The following EEFSEC variants were observed in gnomAD, a reference collection of about 807,000 sequenced individuals.
EEFSEC encodes eukaryotic elongation factor, selenocysteine-tRNA specific, also known as selenocysteine-specific elongation factor.
A neutral mutation model predicts 42.1 loss-of-function variants in EEFSEC; 43 were observed. The ratio of observed to expected loss-of-function variants is 1.02; its 90% confidence interval spans 0.80 to 1.32. EEFSEC has a LOEUF of 1.32. EEFSEC is among the 40% of genes most tolerant of loss of function. The pLI, the probability that EEFSEC is intolerant of heterozygous loss-of-function variation, is 0.00. For missense variants in EEFSEC, 745 were observed against 803.6 expected (o/e 0.93, Z 0.88); for synonymous variants, 354 against 339.1 (o/e 1.04, Z -0.48).
intron 2 of EEFSEC, among the ~76,000 whole-genome samples, chr3:128,258,444 T>G (rs1219125288): frequency 1.3e-5 from 2 of 152,172 alleles, no homozygotes; most frequent in East Asian, 1.9e-4. Flanking sequence ...TCATTTGACC[T>G]CTCTGTGCCT....
downstream of EEFSEC, among the ~76,000 whole-genome samples, chr3:128,410,142 T>C (rs2068164133): frequency 6.6e-6 from 1 of 152,156 alleles, no homozygotes; most frequent in African/African-American, 2.4e-5. Flanking sequence ...AGCACAGATC[T>C]GGGAGCTGCT....
At chr3:128,210,180 T>C (rs1484997444) in intron 1 of EEFSEC, among the ~76,000 whole-genome samples, 1 of 152,170 alleles carries the variant, frequency 6.6e-6, no homozygotes, top group East Asian at 1.9e-4. Flanking sequence ...AACTGTTTCG[T>C]TATTTAGTAG....
At chr3:128,181,489 C>G (rs533311737) in intron 1 of EEFSEC, among the ~76,000 whole-genome samples, 4 of 152,194 alleles carry the variant, frequency 2.6e-5, no homozygotes, top group African/African-American at 9.7e-5. Context: ...CCATCCTGAT[C>G]CAGATTTAGA....
chr3:128,195,735 T>C (rs921753469), intron 1 of EEFSEC, among the ~76,000 whole-genome samples: 9 of 152,174 alleles, frequency 5.9e-5, no homozygotes, highest in African/African-American at 1.4e-4. Flanking sequence ...GGAAGATAGG[T>C]TGGGGCTTGG....
chr3:128,310,508 C>A (rs1312848367), intron 4 of EEFSEC, among the ~76,000 whole-genome samples: 1 of 152,206 alleles, frequency 6.6e-6, no homozygotes, highest in Non-Finnish European at 1.5e-5. Flanking sequence ...CCTGGTCTCC[C>A]ACACTTACAG....
At chr3:128,220,839 T>C (rs1200570907) in intron 1 of EEFSEC, among the ~76,000 whole-genome samples, 1 of 152,242 alleles carries the variant, frequency 6.6e-6, no homozygotes, top group Non-Finnish European at 1.5e-5. Context: ...CCAGTTCTTA[T>C]GCTATCCCTG....
chr3:128,228,189 T>C (rs2955134), intron 1 of EEFSEC, among the ~76,000 whole-genome samples: 22,114 of 152,078 alleles, frequency 0.15, 1,728 homozygotes, highest in Admixed American at 0.2. Flanking sequence ...TTCTGTGGGA[T>C]AAGGTGGCCC....
intron 6 of EEFSEC, among the ~76,000 whole-genome samples, chr3:128,407,673 T>TC (rs1045982435): frequency 6.6e-6 from 1 of 152,152 alleles, no homozygotes; most frequent in Non-Finnish European, 1.5e-5. Context: ...GGGGTCAGCC[T>TC]CCCAGGCACA....
intron 5 of EEFSEC, among the ~76,000 whole-genome samples, chr3:128,353,767 G>A (rs62270893): frequency 6.6e-6 from 1 of 152,350 alleles, no homozygotes; most frequent in South Asian, 2.1e-4. Flanking sequence ...TTGGAATGGG[G>A]CATTGCCACA....
chr3:128,179,865 G>A (rs1230829546), intron 1 of EEFSEC, among the ~76,000 whole-genome samples: 3 of 152,096 alleles, frequency 2.0e-5, no homozygotes, highest in Admixed American at 6.5e-5. Context: ...AGCAAGGTAG[G>A]AGATTACTGT....
At chr3:128,384,004 G>A (rs1182056049) in intron 6 of EEFSEC, among the ~76,000 whole-genome samples, 1 of 152,230 alleles carries the variant, frequency 6.6e-6, no homozygotes, top group Non-Finnish European at 1.5e-5. Flanking sequence ...TGAGTTAGTA[G>A]TTCAAATATT....
At chr3:128,172,465 G>C (rs1559853585) in intron 1 of EEFSEC, among the ~76,000 whole-genome samples, 1 of 152,196 alleles carries the variant, frequency 6.6e-6, no homozygotes, top group Non-Finnish European at 1.5e-5. Flanking sequence ...TTATTGTTTT[G>C]TTTGTTTATT....
chr3:128,359,776 G>C (rs1048080456), intron 6 of EEFSEC, among the ~76,000 whole-genome samples: 2 of 152,224 alleles, frequency 1.3e-5, no homozygotes, highest in African/African-American at 2.4e-5. Flanking sequence ...GCTGTGGGGA[G>C]GTTTGGATCA....
downstream of EEFSEC, among the ~76,000 whole-genome samples, chr3:128,413,595 C>T (rs1366842380): frequency 6.6e-6 from 1 of 152,188 alleles, no homozygotes. Flanking sequence ...GTTGCTCAGT[C>T]CCCACGTGCT....
intron 5 of EEFSEC, among the ~76,000 whole-genome samples, chr3:128,356,128 G>A (rs1052955611): frequency 3.3e-5 from 5 of 152,218 alleles, no homozygotes; most frequent in East Asian, 1.9e-4. Flanking sequence ...CTACAGGCCC[G>A]TTTCATGGTA....
intron 4 of EEFSEC, among the ~76,000 whole-genome samples, chr3:128,318,479 C>T (rs537406715): frequency 1.8e-4 from 28 of 152,328 alleles, no homozygotes; most frequent in African/African-American, 6.0e-4. Context: ...GCACATGATG[C>T]TCTTCTCCCT....
intron 6 of EEFSEC, chr3:128,362,330 A>G (rs554989916): frequency 4.9e-5 from 23 of 472,334 alleles, no homozygotes; most frequent in African/African-American, 4.4e-4. Context: ...CTGGAGAAGA[A>G]TCATGTGAGA....
At chr3:128,286,802 T>C (rs1164369219) in intron 4 of EEFSEC, among the ~76,000 whole-genome samples, 5 of 152,254 alleles carry the variant, frequency 3.3e-5, no homozygotes, top group African/African-American at 1.2e-4. Flanking sequence ...GAAAGAAATG[T>C]ATATATAGCA....
intron 4 of EEFSEC, among the ~76,000 whole-genome samples, chr3:128,319,145 C>T (rs2066980170): frequency 6.6e-6 from 1 of 152,202 alleles, no homozygotes; most frequent in African/African-American, 2.4e-5. Flanking sequence ...ATTCCTTTCC[C>T]CACTGTGTTT....
Sources: allele counts gnomAD v4.1 joint callset (sites outside exome capture counted in the v4.1 genomes callset), GRCh38; gene constraint gnomAD v4.1.1; transcripts MANE v1.5; gene names NCBI Gene and HGNC (gene_info 2026-07-23, HGNC 2026-07-21).